The following DLC1 variants were observed in gnomAD, a reference collection of about 807,000 sequenced individuals.
The protein encoded by DLC1 is DLC1 Rho GTPase activating protein.
DLC1 carries 54 observed loss-of-function variants against 140.3 expected under a neutral mutation model. That is an observed-to-expected ratio of 0.38 (90% CI 0.31 to 0.48). DLC1 has a LOEUF of 0.48. DLC1 is among the 20% of genes least tolerant of loss of function. DLC1 has a pLI of 0.96. For missense variants in DLC1, 2,536 were observed against 1,907.0 expected, an observed-to-expected ratio of 1.33 and a Z score of -6.14; for synonymous variants, 986 against 728.1, an observed-to-expected ratio of 1.35 and a Z score of -5.70.
chr8:13,194,562 G>C (rs970684267), intron 5 of DLC1, among the ~76,000 whole-genome samples: 3 of 152,210 alleles, frequency 2.0e-5, no homozygotes, highest in Non-Finnish European at 2.9e-5. Flanking sequence ...CAACACACCT[G>C]ATTTGGAAGA....
intron 2 of DLC1, among the ~76,000 whole-genome samples, chr8:13,461,711 C>CT: frequency 6.6e-6 from 1 of 152,300 alleles, no homozygotes; most frequent in South Asian, 2.1e-4. Flanking sequence ...TTCCCTCTGT[C>CT]TTTTCTACAG....
chr8:13,409,132 T>A (rs1837683705), intron 2 of DLC1, among the ~76,000 whole-genome samples: 2 of 152,178 alleles, frequency 1.3e-5, no homozygotes, highest in Admixed American at 6.6e-5. Flanking sequence ...GTCCAACAAC[T>A]ATATTTTCCT....
chr8:13,511,770 C>T (rs1802377919), intron 1 of DLC1, among the ~76,000 whole-genome samples: 1 of 152,048 alleles, frequency 6.6e-6, no homozygotes, highest in Admixed American at 6.5e-5. Flanking sequence ...TGATCTAGAT[C>T]TTGGTCATTT....
rs563170948 is a variant in DLC1 at position 13,303,379 on chromosome 8, CAGAA to C, written c.1348+1886_1348+1889del. On this transcript the variant is annotated intron_variant, in intron 5 of 17. Coordinates refer to ENST00000276297, the MANE Select transcript of DLC1 (RefSeq NM_182643.3). ...GTGCCTCAGCCATATAGAAATGACT[CAGAA>C]AGATTATGTAAGGAGGGACAGTTGA... is the stretch of plus-strand genomic sequence containing the variant. Among the ~76,000 whole-genome samples the C allele has an allele frequency of 1.2e-3, 182 of 151,890 alleles. 1 individual carries two copies. The highest frequency in any genetic ancestry group is 2.6e-3 in the Admixed American group (40 of 15,244).
chr8:13,116,515 A>G (rs1426264239), intron 5 of DLC1, among the ~76,000 whole-genome samples: 1 of 152,172 alleles, frequency 6.6e-6, no homozygotes, highest in East Asian at 1.9e-4. Flanking sequence ...TCAGTTACAC[A>G]AGTCTGTTCA....
intron 2 of DLC1, among the ~76,000 whole-genome samples, chr8:13,424,997 A>G (rs1838491588): frequency 6.6e-6 from 1 of 152,154 alleles, no homozygotes; most frequent in Admixed American, 6.5e-5. Context: ...TATTGACAGG[A>G]AGTAAGTGCT....
chr8:13,250,502 A>C (rs1461352635), intron 5 of DLC1, among the ~76,000 whole-genome samples: 1 of 152,206 alleles, frequency 6.6e-6, no homozygotes, highest in Non-Finnish European at 1.5e-5. Context: ...TTCTGGAGTA[A>C]AGTACTTACT....
intron 5 of DLC1, among the ~76,000 whole-genome samples, chr8:13,188,280 C>A (rs575670217): frequency 6.6e-6 from 1 of 151,264 alleles, no homozygotes; most frequent in East Asian, 2.0e-4. Context: ...AGGGGTTTCA[C>A]CACATTGGCC....
intron 1 of DLC1, among the ~76,000 whole-genome samples, chr8:13,582,773 G>T (rs6985004): frequency 6.7e-6 from 1 of 149,370 alleles, no homozygotes; most frequent in Non-Finnish European, 1.5e-5. Flanking sequence ...TTGTGGATTC[G>T]GTTCTATAAT....
intron 5 of DLC1, among the ~76,000 whole-genome samples, chr8:13,129,991 A>G (rs1160295064): frequency 6.6e-6 from 1 of 152,170 alleles, no homozygotes; most frequent in East Asian, 1.9e-4. Context: ...TTGTGTTGAC[A>G]ATACTGGACC....
chr8:13,218,832 C>CTATATATGAATATAATTATATAAT lies in DLC1; in HGVS notation c.1348+86413_1348+86436dup, dbSNP rs1163273215. ...TATATTCATAATTATATGAATATAA[C>CTATATATGAATATAATTATATAAT]TATATATGAATATAATTATATAATT... is the stretch of plus-strand genomic sequence containing the variant. On this transcript the variant is annotated intron_variant, in intron 5 of 17. Transcript: ENST00000276297. Among the ~76,000 whole-genome samples the CTATATATGAATATAATTATATAAT allele has an allele frequency of 1.6e-3, 59 of 36,992 alleles. 4 individuals are homozygous for CTATATATGAATATAATTATATAAT. The East Asian group carries it at 0.021, about 13-fold the overall frequency. The allele number at this position is 36,992 out of a possible 152,430, so 24.3% of individuals were successfully genotyped here.
At chr8:13,276,173 G>A in intron 5 of DLC1, 1 of 1,491,022 alleles carries the variant, frequency 6.7e-7, no homozygotes. Context: ...GATCATTCAT[G>A]AACCAAGCTT....
intron 5 of DLC1, among the ~76,000 whole-genome samples, chr8:13,244,003 C>T (rs577861310): frequency 1.3e-5 from 2 of 152,338 alleles, no homozygotes; most frequent in African/African-American, 4.8e-5. Context: ...GGAAATTCCT[C>T]ACCTGGGGGA....
chr8:13,219,240 G>T (rs1313786605), intron 5 of DLC1, among the ~76,000 whole-genome samples: 1 of 132,154 alleles, frequency 7.6e-6, no homozygotes, highest in East Asian at 2.2e-4. Context: ...ATTATATAAT[G>T]ATATTCTTGA....
chr8:13,326,004 A>C (rs1227519125), intron 4 of DLC1, among the ~76,000 whole-genome samples: 1 of 149,722 alleles, frequency 6.7e-6, no homozygotes, highest in African/African-American at 2.5e-5. Context: ...ATTGACATTC[A>C]GTAATGGTGC....
rs1393645387 is a variant in DLC1 at position 13,579,411 on chromosome 8, T to C, written c.-126+25126A>G. ...ATTATATATTATATATTTAATATATTATATTTTATATTATATATTTAATAC... is the reference window on the plus strand; with the variant it reads ...ATTATATATTATATATTTAATATATCATATTTTATATTATATATTTAATAC... On this transcript the variant is annotated intron_variant, in intron 1 of 1. Coordinates refer to the DLC1 transcript ENST00000631382. 1.3e-4 allele frequency among the ~76,000 whole-genome samples: 9 copies of C among 68,426 alleles called. 1 individual carries two copies. The highest frequency in any genetic ancestry group is 5.0e-4 in the African/African-American group (9 of 18,016). 44.9% of individuals were successfully genotyped at this position (68,426 alleles called of 152,430 possible). A position where few individuals can be genotyped will look rare whatever the true frequency, so the allele number is the denominator to read the frequency against.
intron 1 of DLC1, among the ~76,000 whole-genome samples, chr8:13,603,410 A>G (rs1051115218): frequency 6.6e-6 from 1 of 151,628 alleles, no homozygotes; most frequent in African/African-American, 2.4e-5. Context: ...ATTTTTTTTT[A>G]GAATTTCCTA....
intron 5 of DLC1, among the ~76,000 whole-genome samples, chr8:13,292,794 C>G (rs577296965): frequency 1.3e-5 from 2 of 152,218 alleles, no homozygotes; most frequent in South Asian, 4.1e-4. Flanking sequence ...TTGTGTCACT[C>G]ATTTTTTTGT....
intron 5 of DLC1, among the ~76,000 whole-genome samples, chr8:13,201,696 TCTC>T: frequency 6.6e-6 from 1 of 152,270 alleles, no homozygotes; most frequent in East Asian, 1.9e-4. Flanking sequence ...TGGACATTCT[TCTC>T]TGTGGTTTTA....
Sources: allele counts gnomAD v4.1 joint callset (sites outside exome capture counted in the v4.1 genomes callset), GRCh38; gene constraint gnomAD v4.1.1; transcripts MANE v1.5; gene names NCBI Gene and HGNC (gene_info 2026-07-23, HGNC 2026-07-21).